Variants in WDR49 observed in about 807,000 individuals in gnomAD.
WDR49 encodes cilia- and flagella-associated protein 337.
Under a neutral mutation model 119.5 loss-of-function variants are expected in WDR49, and 107 were observed. The observed-to-expected ratio is 0.90, with a 90% CI of 0.77 to 1.05. The LOEUF (loss-of-function observed/expected upper bound fraction) is 1.05, where lower values mean the gene tolerates loss of function less well. Among genes scored for constraint, WDR49 ranks in the 50% least tolerant of loss-of-function variants. WDR49 has a pLI of 0.00. For missense variants in WDR49, 1,240 were observed against 1,220.5 expected (o/e 1.02, Z -0.24); for synonymous variants, 425 against 418.8 (o/e 1.01, Z -0.18).
At chr3:167,625,510 T>C (rs372744287) in intron 3 of WDR49, among the ~76,000 whole-genome samples, 1 of 152,044 alleles carries the variant, frequency 6.6e-6, no homozygotes, top group African/African-American at 2.4e-5. Context: ...TGCCCTTAAT[T>C]TGTACCACTT....
At chr3:167,646,450 T>C (rs1718133338) in intron 2 of WDR49, among the ~76,000 whole-genome samples, 1 of 152,112 alleles carries the variant, frequency 6.6e-6, no homozygotes, top group African/African-American at 2.4e-5. Flanking sequence ...CACAAATATA[T>C]GTCCAGAAGT....
chr3:167,620,425 A>T lies in WDR49; in HGVS notation c.958+4T>A. On this transcript the variant is annotated splice_donor_region_variant and intron_variant, in intron 5 of 18. Coordinates refer to ENST00000682715, the MANE Select transcript of WDR49 (RefSeq NM_001366157.1). ...TTACTTTCATTACTGTTCAAATTCA[A>T]TACCTTGCCTGACCCAATCTCCTTG... 6.5e-7 allele frequency: 1 copy of T among 1,534,472 alleles called. No individual in the cohort carries two copies. The highest frequency in any genetic ancestry group is 1.4e-5 in the African/African-American group (1 of 73,086).
intron 10 of WDR49, among the ~76,000 whole-genome samples, chr3:167,549,283 G>T (rs868109908): frequency 1.3e-5 from 2 of 152,090 alleles, no homozygotes; most frequent in African/African-American, 2.4e-5. Flanking sequence ...CTTCCACAAT[G>T]GTTGAACTAG....
At chr3:167,561,485 G>A (rs973969906) in intron 8 of WDR49, among the ~76,000 whole-genome samples, 1 of 152,172 alleles carries the variant, frequency 6.6e-6, no homozygotes, top group African/African-American at 2.4e-5. Context: ...TCTAGATGAA[G>A]AAACAGACAA....
chr3:167,503,679 G>A (rs1751660192), intron 17 of WDR49, among the ~76,000 whole-genome samples: 1 of 152,228 alleles, frequency 6.6e-6, no homozygotes, highest in Admixed American at 6.5e-5. Flanking sequence ...CAGATCCAGA[G>A]GGATGGAAGT....
chr3:167,652,087 C>T (rs1223263766), intron 2 of WDR49, among the ~76,000 whole-genome samples: 1 of 152,156 alleles, frequency 6.6e-6, no homozygotes, highest in East Asian at 1.9e-4. Flanking sequence ...ACTTGGGGCA[C>T]TGGGCATGAG....
chr3:167,533,949 G>A (rs1298108754), intron 11 of WDR49, among the ~76,000 whole-genome samples: 4 of 151,936 alleles, frequency 2.6e-5, no homozygotes, highest in African/African-American at 9.7e-5. Context: ...AATCTCTTTG[G>A]GAGGCCGAGG....
intron 18 of WDR49, among the ~76,000 whole-genome samples, chr3:167,495,690 C>A: frequency 6.6e-6 from 1 of 151,550 alleles, no homozygotes; most frequent in South Asian, 2.1e-4. Flanking sequence ...TGATAAATTT[C>A]TATGAACTCC....
At chr3:167,566,418 TAA>T (rs1326077406) in intron 8 of WDR49, among the ~76,000 whole-genome samples, 1 of 152,182 alleles carries the variant, frequency 6.6e-6, no homozygotes, top group Non-Finnish European at 1.5e-5. Context: ...GGTAATGAGA[TAA>T]AACTATCTTT....
chr3:167,571,070 G>T (rs1181069924), intron 8 of WDR49, among the ~76,000 whole-genome samples: 1 of 151,480 alleles, frequency 6.6e-6, no homozygotes. Context: ...GTCAGTGAAT[G>T]TTGAAGCAAC....
In WDR49 at chr3:167,560,097, C is replaced by T. The variant is rs982125054; in HGVS notation, c.1641G>A (p.Arg547=). 1 of 1,614,148 alleles carries T rather than the reference C, an allele frequency of 6.2e-7. No homozygotes were observed. The highest frequency in any genetic ancestry group is 8.5e-7 in the Non-Finnish European group (1 of 1,180,030). Residue 547 remains arginine, a synonymous_variant, in exon 9 of 19, where the codon CGG becomes CGA. Transcript: ENST00000682715. ...TCCCATCTGTGCTGCCAGTCAAAAG[C>T]CGAGTCTCATTTGCATCAAGGGCCA... ...STMALDANET[R]LLTGSTDGTV... is the part of the protein sequence containing the mutation.
At chr3:167,633,719 A>G (rs1717482386) in intron 2 of WDR49, among the ~76,000 whole-genome samples, 1 of 151,982 alleles carries the variant, frequency 6.6e-6, no homozygotes, top group African/African-American at 2.4e-5. Flanking sequence ...ACATACATAG[A>G]CACACATCTT....
At chr3:167,607,903 GAA>G (rs973014939) in intron 5 of WDR49, among the ~76,000 whole-genome samples, 4 of 151,962 alleles carry the variant, frequency 2.6e-5, no homozygotes, top group African/African-American at 7.3e-5. Flanking sequence ...AAGGAAGGAA[GAA>G]AGGGTAAAAG....
Position 167,604,188 on chromosome 3 carries a change from G to C in WDR49, c.1126+113C>G, listed in dbSNP as rs757675465. The C allele has an allele frequency of 2.4e-6, 3 of 1,230,712 alleles. No individual in the cohort carries two copies. In the East Asian group the frequency reaches 7.5e-5, roughly 31 times the overall value. The allele number at this position is 1,230,712 out of a possible 1,614,324, so 76.2% of individuals were successfully genotyped here. A position where few individuals can be genotyped will look rare whatever the true frequency, so the allele number is the denominator to read the frequency against. ...TCAGGCAGTAAAATGTGAGCTTCTC[G>C]AGATGGTCTCTATAGCAATACAGCA... On this transcript the variant is annotated intron_variant, in intron 6 of 18. Transcript: ENST00000682715.
intron 18 of WDR49, among the ~76,000 whole-genome samples, chr3:167,491,270 CA>C (rs1288411442): frequency 6.6e-6 from 1 of 152,110 alleles, no homozygotes; most frequent in Non-Finnish European, 1.5e-5. Context: ...TTCTTAAACA[CA>C]AGGGGGATGA....
At chr3:167,574,051 G>C (rs983333733) in intron 8 of WDR49, among the ~76,000 whole-genome samples, 1 of 152,086 alleles carries the variant, frequency 6.6e-6, no homozygotes, top group Non-Finnish European at 1.5e-5. Flanking sequence ...AAAGCACTTC[G>C]GTTTTTACCT....
rs182602303 is a variant in WDR49, at chr3:167,503,861, G to A, written c.2884+1446C>T. ...CAAAGGTGGTTGCCGTTGCCGGCTC[G>A]AATGCCTGGGTTTATATCCCGATGC... On this transcript the variant is annotated intron_variant, in intron 17 of 18. Transcript: ENST00000682715. Among the ~76,000 whole-genome samples the A allele has an allele frequency of 1.9e-4, 29 of 152,338 alleles. No homozygotes were observed. The East Asian group carries it at 4.4e-3, about 23-fold the overall frequency.
At chr3:167,645,101 G>T (rs1225395288) in intron 2 of WDR49, among the ~76,000 whole-genome samples, 1 of 151,988 alleles carries the variant, frequency 6.6e-6, no homozygotes, top group East Asian at 1.9e-4. Context: ...TTACCCAGGG[G>T]AGTATAATGA....
chr3:167,645,610 C>T (rs1056153923), intron 2 of WDR49, among the ~76,000 whole-genome samples: 2 of 152,076 alleles, frequency 1.3e-5, no homozygotes, highest in African/African-American at 4.8e-5. Flanking sequence ...TTGTTTGCTT[C>T]TTCTCCTTCT....
Sources: gnomAD v4.1 joint callset for allele counts (sites outside exome capture counted in the v4.1 genomes callset) on GRCh38, gnomAD v4.1.1 for gene constraint, MANE v1.5 for transcripts, NCBI Gene and HGNC (gene_info 2026-07-23, HGNC 2026-07-21) for gene names.